Variants in CNGB1 observed in about 807,000 individuals in gnomAD.
The protein encoded by CNGB1 is cyclic nucleotide gated channel subunit beta 1.
CNGB1 carries 126 observed loss-of-function variants against 151.7 expected under a neutral mutation model. That is an observed-to-expected ratio of 0.83 (90% CI 0.72 to 0.96). CNGB1 has a LOEUF of 0.96. CNGB1 is among the 40% of genes least tolerant of loss of function. CNGB1 has a pLI of 0.00. For missense variants in CNGB1, 1,698 were observed against 1,627.0 expected, an observed-to-expected ratio of 1.04 and a Z score of -0.75; for synonymous variants, 623 against 635.1, an observed-to-expected ratio of 0.98 and a Z score of 0.29.
At chr16:57,920,633 C>T (rs1961006885) in intron 18 of CNGB1, 89 bp from the exon 19 acceptor site, 3 of 1,529,674 alleles carry the variant, frequency 2.0e-6, no homozygotes, top group Non-Finnish European at 2.7e-6. Context: ...CTGTGTCCCA[C>T]CTTCTGACAG....
At chr16:57,915,226 G>T (rs779851606) in intron 23 of CNGB1, 23 bp downstream of exon 23, 4 of 1,594,778 alleles carry the variant, frequency 2.5e-6, no homozygotes, top group South Asian at 2.2e-5. Flanking sequence ...GAAGGCCTGG[G>T]GTGGTGGGCC....
At chr16:57,904,498 C>T (rs1960484540) in intron 26 of CNGB1, among the ~76,000 whole-genome samples, 2 of 152,188 alleles carry the variant, frequency 1.3e-5, no homozygotes, top group Admixed American at 6.5e-5. Flanking sequence ...CAGCCCAGTG[C>T]ACCCGGAGGA....
intron 31 of CNGB1, among the ~76,000 whole-genome samples, chr16:57,897,165 G>T (rs1296854577): frequency 6.6e-6 from 1 of 151,936 alleles, no homozygotes; most frequent in Admixed American, 6.6e-5. Context: ...AGCTGGGAAT[G>T]GTGGTACGTG....
At chr16:57,947,313 T>G (rs72782267) in intron 14 of CNGB1, among the ~76,000 whole-genome samples, 1 of 152,202 alleles carries the variant, frequency 6.6e-6, no homozygotes, top group Admixed American at 6.5e-5. Flanking sequence ...TTTTCCAGCC[T>G]GGGTGTTAGG....
chr16:57,885,316 CAAGTCAT>C (rs1214381469), intron 32 of CNGB1, among the ~76,000 whole-genome samples: 2 of 152,080 alleles, frequency 1.3e-5, no homozygotes, highest in African/African-American at 4.8e-5. Flanking sequence ...GCCATTTGCT[CAAGTCAT>C]AGGATATTGA....
chr16:57,962,920 C>A (rs1367734586), intron 5 of CNGB1, 48 bp from the exon 6 acceptor site: 4 of 1,612,284 alleles, frequency 2.5e-6, no homozygotes, highest in African/African-American at 1.3e-5. Flanking sequence ...CAAGGGCAGC[C>A]TCCCCACAGC....
chr16:57,899,499 G>A (rs1283694523), intron 29 of CNGB1, among the ~76,000 whole-genome samples: 2 of 152,172 alleles, frequency 1.3e-5, no homozygotes, highest in Non-Finnish European at 2.9e-5. Context: ...AATGAGCCGG[G>A]CATGGTGGCA....
chr16:57,912,010 G>A (rs1960730371), intron 24 of CNGB1, 135 bp from the exon 25 acceptor site: 2 of 1,201,492 alleles, frequency 1.7e-6, no homozygotes, highest in African/African-American at 1.5e-5. Context: ...AGTTAGGAAG[G>A]GTGGTGCTTG....
At chr16:57,887,759 TAA>T in intron 32 of CNGB1, 94 bp downstream of exon 32, 1 of 1,230,640 alleles carries the variant, frequency 8.1e-7, no homozygotes, top group South Asian at 1.2e-5. Flanking sequence ...GGGAAGACCC[TAA>T]AACTAAATGT....
Position 57,960,885 on chromosome 16 carries a change from C to A in CNGB1, c.489G>T (p.Glu163Asp). ...GAGGAAGCACTCTTTCCAGATTCTG[C>A]TCCAGCCACAGAAGCAGCCGCAGCC... ...RPGLRLLLWL[E>D]QNLERVLPQP... Residue 163 changes from glutamate to aspartate, a missense_variant, in exon 8 of 33, where the codon GAG (glutamate) becomes GAT (aspartate). Coordinates refer to ENST00000251102, the MANE Select transcript of CNGB1 (RefSeq NM_001297.5). The A allele has an allele frequency of 6.2e-7, 1 of 1,614,122 alleles. No homozygotes were observed. Among genetic ancestry groups the A allele is most frequent in the South Asian group, 1.1e-5 (1 of 91,076 alleles).
Position 57,884,308 on chromosome 16 carries a change from G to A in CNGB1, c.3612C>T (p.Ser1204=). 1 of 1,612,624 alleles carries A rather than the reference G, an allele frequency of 6.2e-7. No individual in the cohort carries two copies. Among genetic ancestry groups the A allele is most frequent in the Non-Finnish European group, 8.5e-7 (1 of 1,179,542 alleles). ...GSPPSSPPPA[S]LGRPEGEEEG... ...CCTCCTCTCCCTCCGGCCTCCCAAG[G>A]GAGGCAGGCGGTGGAGAGCTCGGTG... The change falls in exon 33 of 33, where the codon TCC becomes TCT. Residue 1204 remains serine, a synonymous_variant. Coordinates refer to ENST00000251102, the MANE Select transcript of CNGB1 (RefSeq NM_001297.5).
chr16:57,923,968 G>A (rs1567379986), intron 17 of CNGB1, among the ~76,000 whole-genome samples: 2 of 152,154 alleles, frequency 1.3e-5, no homozygotes, highest in East Asian at 1.9e-4. Flanking sequence ...ATGATCCTGG[G>A]GTCCTCCATC....
rs926934223 is a variant in CNGB1, at chr16:57,902,356, C to G, written c.2795-731G>C. Among the ~76,000 whole-genome samples the G allele has an allele frequency of 2.0e-5, 3 of 151,852 alleles. No homozygotes were observed. The South Asian group carries it at 6.2e-4, about 32-fold the overall frequency. ...AAAGTGCTGGGATTACAGGAGTGAGCCACCGCACCCAGCCAAGCCAGGCAC... is the reference window on the plus strand; with the variant it reads ...AAAGTGCTGGGATTACAGGAGTGAGGCACCGCACCCAGCCAAGCCAGGCAC... On this transcript the variant is annotated intron_variant, in intron 27 of 32. Coordinates refer to ENST00000251102, the MANE Select transcript of CNGB1 (RefSeq NM_001297.5).
chr16:57,904,820 G>C lies in CNGB1; in HGVS notation c.2548C>G (p.Pro850Ala), dbSNP rs374201255. The change falls in exon 26 of 33, where the codon CCT becomes GCT. Residue 850 changes from proline (P) to alanine (A), a missense_variant. Transcript: ENST00000251102. ...ATTTCAAAGAGTGTCTTGGGGTCAG[G>C]CAGCCCCCCGATGGTGATGAGGGTC... is the stretch of plus-strand genomic sequence containing the variant. Reference protein sequence around the residue: ...VKTLITIGGLPDPKTLFEIVF... With the variant: ...VKTLITIGGLADPKTLFEIVF... 1.9e-6 allele frequency: 3 copies of C among 1,614,134 alleles called. No individual in the cohort carries two copies. Among genetic ancestry groups the C allele is most frequent in the East Asian group, 2.2e-5 (1 of 44,876 alleles).
chr16:57,898,048 T>C (rs1960283203), intron 29 of CNGB1, 134 bp from the exon 30 acceptor site: 1 of 872,690 alleles, frequency 1.1e-6, no homozygotes, highest in East Asian at 2.4e-5. Context: ...CCACCACAAC[T>C]TGGGGTGTCG....
intron 4 of CNGB1, among the ~76,000 whole-genome samples, chr16:57,963,723 G>A (rs747502990): frequency 2.0e-5 from 3 of 152,166 alleles, no homozygotes; most frequent in Admixed American, 6.5e-5. Context: ...ACTGAGAAAC[G>A]TCCGGCCCCC....
rs745351142 is a variant in CNGB1, at chr16:57,964,136, A to T, written c.284T>A (p.Met95Lys). The change falls in exon 4 of 33, where the codon ATG becomes AAG. Residue 95 changes from methionine (M) to lysine (K), a missense_variant. By Grantham distance (95) the Met-to-Lys change is moderately conservative. Transcript: ENST00000251102. Reference sequence around the variant, plus strand: ...GGGGAGGGTGGTGCAGTACCTATTCATTTCAGAAATCTCAGCGCCCTGGGC... The same window carrying T: ...GGGGAGGGTGGTGCAGTACCTATTCTTTTCAGAAATCTCAGCGCCCTGGGC... Reference protein sequence around the residue: ...LRAQGAEISEMNSPSRRVLTW... With the variant: ...LRAQGAEISEKNSPSRRVLTW... The T allele has an allele frequency of 6.2e-7, 1 of 1,614,090 alleles. No homozygotes were observed. The highest frequency in any genetic ancestry group is 1.1e-5 in the South Asian group (1 of 91,066).
In CNGB1 at chr16:57,882,923, A is replaced by G. The variant is rs556192011; in HGVS notation, c.*1241T>C. ...AGGATTAATTGAAGTTGCTGCCACC[A>G]TCTCTACAGCGAGAGTGTCAAAAGT... On this transcript the variant is annotated 3_prime_UTR_variant, in exon 33 of 33. Coordinates refer to ENST00000251102, the MANE Select transcript of CNGB1 (RefSeq NM_001297.5). 4.0e-5 allele frequency: 6 copies of G among 151,864 alleles called. No homozygotes were observed. Among genetic ancestry groups the G allele is most frequent in the African/African-American group, 1.5e-4 (6 of 41,376 alleles). 9.4% of individuals were successfully genotyped at this position (151,864 alleles called of 1,614,324 possible). A position where few individuals can be genotyped will look rare whatever the true frequency, so the allele number is the denominator to read the frequency against.
chr16:57,926,543 G>A (rs1422042169), intron 17 of CNGB1, among the ~76,000 whole-genome samples: 1 of 152,202 alleles, frequency 6.6e-6, no homozygotes, highest in Non-Finnish European at 1.5e-5. Flanking sequence ...CGCCGAGGAT[G>A]GCAAAATTCA....
Sources: gnomAD v4.1 joint callset for allele counts (sites outside exome capture counted in the v4.1 genomes callset) on GRCh38, gnomAD v4.1.1 for gene constraint, MANE v1.5 for transcripts, NCBI Gene and HGNC (gene_info 2026-07-23, HGNC 2026-07-21) for gene names.